The following ANKFN1 variants were observed in gnomAD, a reference collection of about 807,000 sequenced individuals.
ANKFN1 encodes the protein ankyrin repeat and fibronectin type-III domain-containing protein 1.
A neutral mutation model predicts 108.7 loss-of-function variants in ANKFN1; 74 were observed. The ratio of observed to expected loss-of-function variants is 0.68; its 90% CI spans 0.56 to 0.83. The LOEUF (loss-of-function observed/expected upper bound fraction) is 0.83, where lower values mean the gene tolerates loss of function less well. ANKFN1 is among the 40% of genes least tolerant of loss of function. ANKFN1 has a pLI of 0.00. For missense variants in ANKFN1, 1,505 were observed against 1,382.3 expected (o/e 1.09, Z -1.41); for synonymous variants, 547 against 516.2 (o/e 1.06, Z -0.81).
chr17:56,237,496 C>T (rs1917243004), intron 3 of ANKFN1, among the ~76,000 whole-genome samples: 1 of 152,008 alleles, frequency 6.6e-6, no homozygotes, highest in South Asian at 2.1e-4. Flanking sequence ...CAATTTCTTC[C>T]TGGTTCAGTC....
chr17:56,414,921 G>C (rs2048196293), intron 8 of ANKFN1, among the ~76,000 whole-genome samples: 1 of 152,072 alleles, frequency 6.6e-6, no homozygotes, highest in Non-Finnish European at 1.5e-5. Flanking sequence ...TCTGGGGTCT[G>C]AGATGGGAGG....
intron 4 of ANKFN1, among the ~76,000 whole-genome samples, chr17:56,058,836 G>C (rs958861859): frequency 2.0e-5 from 3 of 152,162 alleles, no homozygotes; most frequent in Non-Finnish European, 4.4e-5. Flanking sequence ...GTCTATCATT[G>C]ATGGGCATTT....
At chr17:56,126,143 G>A (rs891744524) in intron 4 of ANKFN1, among the ~76,000 whole-genome samples, 5 of 152,210 alleles carry the variant, frequency 3.3e-5, no homozygotes, top group South Asian at 2.1e-4. Flanking sequence ...AAAGCTGCTG[G>A]TGATGCCCAG....
intron 3 of ANKFN1, among the ~76,000 whole-genome samples, chr17:56,253,459 C>T (rs1259467770): frequency 2.0e-5 from 3 of 152,170 alleles, no homozygotes; most frequent in Non-Finnish European, 2.9e-5. Context: ...GAAGCCAGGC[C>T]GGGCGCAATG....
Position 56,139,811 on chromosome 17 carries a change from T to G in ANKFN1, c.289-88106T>G, listed in dbSNP as rs188158977. 5.3e-5 allele frequency among the ~76,000 whole-genome samples: 8 copies of G among 152,308 alleles called. No homozygotes were observed. The East Asian group carries it at 1.4e-3, about 26-fold the overall frequency. On this transcript the variant is annotated intron_variant, in intron 4 of 12. Coordinates refer to the ANKFN1 transcript ENST00000635860. ...TTACTGACCACATTACCAACTTTTT[T>G]GTATCATCGTCCCTTGGTTTCCACA...
intron 4 of ANKFN1, among the ~76,000 whole-genome samples, chr17:56,055,490 ATG>A (rs1484776114): frequency 5.0e-5 from 7 of 140,326 alleles, no homozygotes; most frequent in Non-Finnish European, 6.2e-5. Flanking sequence ...GTATATATAT[ATG>A]TGTGTGTGTA....
At chr17:56,449,639 C>T (rs990545006) in intron 11 of ANKFN1, among the ~76,000 whole-genome samples, 3 of 152,178 alleles carry the variant, frequency 2.0e-5, no homozygotes, top group Non-Finnish European at 2.9e-5. Flanking sequence ...AATGCAGTTT[C>T]ACACCCAGTA....
chr17:56,321,129 T>G (rs2045355043), intron 3 of ANKFN1, among the ~76,000 whole-genome samples: 1 of 152,082 alleles, frequency 6.6e-6, no homozygotes, highest in African/African-American at 2.4e-5. Flanking sequence ...CCCTTTTCTT[T>G]TTTCTTTGGG....
At chr17:56,505,614 T>C (rs1014724808) in intron 20 of ANKFN1, among the ~76,000 whole-genome samples, 5 of 152,168 alleles carry the variant, frequency 3.3e-5, no homozygotes, top group African/African-American at 1.2e-4. Flanking sequence ...CATGGTCCAA[T>C]GAGGAAGACA....
intron 19 of ANKFN1, among the ~76,000 whole-genome samples, chr17:56,493,011 TACTC>T (rs755269387): frequency 5.9e-5 from 9 of 152,208 alleles, no homozygotes; most frequent in Non-Finnish European, 1.3e-4. Flanking sequence ...GTCCATCAGT[TACTC>T]AATTCACAAA....
At chr17:56,437,975 T>G (rs73991526) in intron 8 of ANKFN1, among the ~76,000 whole-genome samples, 4 of 121,254 alleles carry the variant, frequency 3.3e-5, no homozygotes, top group African/African-American at 4.7e-5. Context: ...CTACTGTAGG[T>G]GTGTGTGTGT....
At chr17:56,415,937 A>G (rs2048230086) in intron 8 of ANKFN1, among the ~76,000 whole-genome samples, 1 of 152,204 alleles carries the variant, frequency 6.6e-6, no homozygotes, top group Non-Finnish European at 1.5e-5. Context: ...CATTTTCAAC[A>G]AAAAAGCCAA....
intron 8 of ANKFN1, among the ~76,000 whole-genome samples, chr17:56,399,042 A>G (rs2047672544): frequency 6.6e-6 from 1 of 152,186 alleles, no homozygotes; most frequent in African/African-American, 2.4e-5. Flanking sequence ...TAAAATAAAA[A>G]TGATGTCACA....
At chr17:56,168,123 C>T (rs1910329704) in intron 1 of ANKFN1, among the ~76,000 whole-genome samples, 2 of 152,042 alleles carry the variant, frequency 1.3e-5, no homozygotes, top group African/African-American at 4.8e-5. Flanking sequence ...AAAAATTAGC[C>T]AGGCATGGTG....
chr17:56,353,021 T>A (rs1386615896), intron 5 of ANKFN1, among the ~76,000 whole-genome samples: 1 of 152,158 alleles, frequency 6.6e-6, no homozygotes, highest in Non-Finnish European at 1.5e-5. Context: ...CCATAACTGC[T>A]ACCTGTGCTA....
chr17:56,112,528 A>G (rs1044295072), intron 4 of ANKFN1, among the ~76,000 whole-genome samples: 1 of 152,092 alleles, frequency 6.6e-6, no homozygotes, highest in Admixed American at 6.6e-5. Flanking sequence ...TATCCAAGCC[A>G]AATCTATTCC....
chr17:56,258,680 G>A (rs1407949001), intron 3 of ANKFN1, among the ~76,000 whole-genome samples: 1 of 152,194 alleles, frequency 6.6e-6, no homozygotes, highest in Non-Finnish European at 1.5e-5. Context: ...GGAGGCCGAG[G>A]CGGGCGGATC....
At chr17:56,324,466 C>T (rs1400937316) in intron 3 of ANKFN1, among the ~76,000 whole-genome samples, 1 of 152,134 alleles carries the variant, frequency 6.6e-6, no homozygotes, top group African/African-American at 2.4e-5. Context: ...GTCTGCATGG[C>T]ACGTGTAACT....
chr17:56,317,730 T>C (rs748656016), intron 3 of ANKFN1, among the ~76,000 whole-genome samples: 2 of 151,908 alleles, frequency 1.3e-5, no homozygotes, highest in Non-Finnish European at 2.9e-5. Context: ...TCCTTCCTGG[T>C]GTGTCCCTGA....
Sources: allele counts gnomAD v4.1 joint callset (sites outside exome capture counted in the v4.1 genomes callset), GRCh38; gene constraint gnomAD v4.1.1; transcripts MANE v1.5; gene names NCBI Gene and HGNC (gene_info 2026-07-23, HGNC 2026-07-21).